The following DIP2B variants were observed in gnomAD, a reference collection of about 807,000 sequenced individuals.
The protein encoded by DIP2B is disco-interacting protein 2 homolog B.
A neutral mutation model predicts 198.0 loss-of-function variants in DIP2B; 76 were observed. That is an observed-to-expected ratio of 0.38 (90% CI 0.32 to 0.46). The LOEUF (loss-of-function observed/expected upper bound fraction) is 0.46, where lower values mean the gene tolerates loss of function less well. Among genes scored for constraint, DIP2B ranks in the 20% least tolerant of loss-of-function variants. The pLI is 0.99. For missense variants in DIP2B, 1,559 were observed against 1,978.4 expected (o/e 0.79, Z 4.02); for synonymous variants, 701 against 739.1 (o/e 0.95, Z 0.84).
intron 1 of DIP2B, among the ~76,000 whole-genome samples, chr12:50,610,830 G>T (rs1463012568): frequency 2.1e-5 from 3 of 146,280 alleles, no homozygotes; most frequent in Non-Finnish European, 4.5e-5. Flanking sequence ...TGAGATGGAG[G>T]CTCGCTCTGT....
chr12:50,536,361 C>T (rs1042817118), intron 1 of DIP2B, among the ~76,000 whole-genome samples: 4 of 152,044 alleles, frequency 2.6e-5, no homozygotes, highest in African/African-American at 9.7e-5. Context: ...AGGAGGATTG[C>T]TTGAGCCCAG....
At chr12:50,663,710 A>C (rs963679403) in intron 4 of DIP2B, among the ~76,000 whole-genome samples, 1 of 151,490 alleles carries the variant, frequency 6.6e-6, no homozygotes, top group African/African-American at 2.4e-5. Context: ...TCTCTACAAA[A>C]AATTAAAAAG....
Position 50,580,491 on chromosome 12 carries a change from T to TA in DIP2B, c.101-45484dup, listed in dbSNP as rs1221477733. 4.0e-5 allele frequency among the ~76,000 whole-genome samples: 6 copies of TA among 148,222 alleles called. No homozygotes were observed. The Admixed American group carries it at 4.2e-4, about 10-fold the overall frequency. On this transcript the variant is annotated intron_variant, in intron 1 of 37. Coordinates refer to ENST00000301180, the MANE Select transcript of DIP2B (RefSeq NM_173602.3). Reference sequence around the variant, plus strand: ...TCTTTATATTTTGCAGAAATTTTATTATCTATATTTTTACTCCAGTCTACT... The same window carrying TA: ...TCTTTATATTTTGCAGAAATTTTATTAATCTATATTTTTACTCCAGTCTACT...
In DIP2B at chr12:50,627,946, C is replaced by A. The variant is rs533249495; in HGVS notation, c.172+1899C>A. ...TCCTGGCCAAGGACAGTCCTTCTAC[C>A]TATGCTTTAGATCCCAACCCCTCCT... is the stretch of plus-strand genomic sequence containing the variant. On this transcript the variant is annotated intron_variant, in intron 2 of 37. Coordinates refer to ENST00000301180, the MANE Select transcript of DIP2B (RefSeq NM_173602.3). 9.8e-5 allele frequency among the ~76,000 whole-genome samples: 15 copies of A among 152,308 alleles called. No individual in the cohort carries two copies. In the South Asian group the frequency reaches 3.1e-3, roughly 32 times the overall value.
intron 1 of DIP2B, among the ~76,000 whole-genome samples, chr12:50,555,995 C>G (rs1958467241): frequency 6.6e-6 from 1 of 152,044 alleles, no homozygotes; most frequent in African/African-American, 2.4e-5. Flanking sequence ...GTTGATTTAG[C>G]ATGTCCTGCT....
chr12:50,561,300 T>C (rs1458148222), intron 1 of DIP2B, among the ~76,000 whole-genome samples: 3 of 152,262 alleles, frequency 2.0e-5, no homozygotes, highest in Non-Finnish European at 4.4e-5. Flanking sequence ...TACTATGTAG[T>C]CTACATTTGT....
chr12:50,744,911 G>C lies in DIP2B; in HGVS notation c.*72G>C. 1 of 1,546,150 alleles carries C rather than the reference G, an allele frequency of 6.5e-7. No homozygotes were observed. On this transcript the variant is annotated 3_prime_UTR_variant, in exon 38 of 38. Coordinates refer to ENST00000301180, the MANE Select transcript of DIP2B (RefSeq NM_173602.3). ...ACAGAAGACCTCTGGCTAAGAGCAG[G>C]CTTCAAACGATGTGAAATAAGCTGA... is the stretch of plus-strand genomic sequence containing the variant.
rs760227460 is a variant in DIP2B at position 50,579,107 on chromosome 12, ATTGT to A, written c.101-46865_101-46862del. ...TGTGTCAAGGAAAAACATTTGTACA[ATTGT>A]TTGAGAGTTGTGAGCTGACTTTTTA... On this transcript the variant is annotated intron_variant, in intron 1 of 37. Coordinates refer to ENST00000301180, the MANE Select transcript of DIP2B (RefSeq NM_173602.3). Among the ~76,000 whole-genome samples, 132 of 152,294 alleles carry A rather than the reference ATTGT, an allele frequency of 8.7e-4. No homozygotes were observed. In the Middle Eastern group the frequency reaches 0.01, roughly 12 times the overall value.
chr12:50,559,516 G>A (rs746256782), intron 1 of DIP2B, among the ~76,000 whole-genome samples: 1 of 152,018 alleles, frequency 6.6e-6, no homozygotes, highest in Non-Finnish European at 1.5e-5. Context: ...TAATGTGGGA[G>A]GATTGCTTGA....
At chr12:50,623,473 T>C (rs1231406748) in intron 1 of DIP2B, among the ~76,000 whole-genome samples, 2 of 109,798 alleles carry the variant, frequency 1.8e-5, no homozygotes, top group Admixed American at 9.6e-5. Context: ...TCTCTCTCAC[T>C]CACCCAAGTA....
chr12:50,714,118 A>G (rs1939668618), intron 22 of DIP2B, among the ~76,000 whole-genome samples: 1 of 152,210 alleles, frequency 6.6e-6, no homozygotes, highest in African/African-American at 2.4e-5. Flanking sequence ...AAACTTAAAA[A>G]GAGAACATAC....
intron 1 of DIP2B, among the ~76,000 whole-genome samples, chr12:50,523,277 A>G (rs148311474): frequency 7.7e-4 from 118 of 152,352 alleles, no homozygotes; most frequent in Non-Finnish European, 1.5e-3. Flanking sequence ...ATACTTGTAT[A>G]GTACCTAATA....
chr12:50,735,662 A>C (rs1360311878), intron 34 of DIP2B, among the ~76,000 whole-genome samples: 1 of 151,964 alleles, frequency 6.6e-6, no homozygotes, highest in Non-Finnish European at 1.5e-5. Flanking sequence ...ATGGGGTTTC[A>C]CCATGTTGGC....
At chr12:50,576,774 C>T (rs896939738) in intron 1 of DIP2B, among the ~76,000 whole-genome samples, 6 of 152,140 alleles carry the variant, frequency 3.9e-5, no homozygotes, top group African/African-American at 1.4e-4. Context: ...AGCTACCGCG[C>T]CCAGCCGGTC....
Position 50,695,666 on chromosome 12 carries a change from C to T in DIP2B, c.1814-182C>T, listed in dbSNP as rs1939298160. On this transcript the variant is annotated intron_variant, in intron 15 of 37. Coordinates refer to ENST00000301180, the MANE Select transcript of DIP2B (RefSeq NM_173602.3). ...GTGAACAAACAATTGTAGGTCCAGTCAGTTGTCTAAATGTGATAATTTCTG... is the reference window on the plus strand; with the variant it reads ...GTGAACAAACAATTGTAGGTCCAGTTAGTTGTCTAAATGTGATAATTTCTG... Among the ~76,000 whole-genome samples, 2 of 152,168 alleles carry T rather than the reference C, an allele frequency of 1.3e-5. 1 individual carries two copies. Among genetic ancestry groups the T allele is most frequent in the South Asian group, 4.1e-4 (2 of 4,830 alleles).
At chr12:50,538,282 A>G (rs1958288032) in intron 1 of DIP2B, among the ~76,000 whole-genome samples, 1 of 152,150 alleles carries the variant, frequency 6.6e-6, no homozygotes, top group East Asian at 1.9e-4. Context: ...GATAAAGGGA[A>G]AAGGTTCAGA....
At position 50,526,626 on chromosome 12, in the gene DIP2B, C is replaced by CTTTTTTTTTT. The variant is rs11423846; in HGVS notation, c.100+21404_100+21413dup. On this transcript the variant is annotated intron_variant, in intron 1 of 37. Coordinates refer to ENST00000301180, the MANE Select transcript of DIP2B (RefSeq NM_173602.3). ...TGCATTGATTCTCTTTTTCCTCTGC[C>CTTTTTTTTTT]TTTTTTTTTTTTTTTTTTTTTTTTT... Among the ~76,000 whole-genome samples, 14 of 64,194 alleles carry CTTTTTTTTTT rather than the reference C, an allele frequency of 2.2e-4. 1 individual carries two copies. The highest frequency in any genetic ancestry group is 7.7e-4 in the African/African-American group (11 of 14,202). The allele number at this position is 64,194 out of a possible 152,430, so 42.1% of individuals were successfully genotyped here.
At chr12:50,727,887 A>C in intron 29 of DIP2B, 75 bp downstream of exon 29, 1 of 1,296,330 alleles carries the variant, frequency 7.7e-7, no homozygotes, top group Non-Finnish European at 1.1e-6. Context: ...CTATAGATGC[A>C]GAGGCCAAGT....
At chr12:50,542,261 A>G (rs538364686) in intron 1 of DIP2B, among the ~76,000 whole-genome samples, 1 of 151,456 alleles carries the variant, frequency 6.6e-6, no homozygotes, top group South Asian at 2.1e-4. Flanking sequence ...AAAAAAAAAA[A>G]AAAAGAAAAA....
Sources: gnomAD v4.1 joint callset for allele counts (sites outside exome capture counted in the v4.1 genomes callset) on GRCh38, gnomAD v4.1.1 for gene constraint, MANE v1.5 for transcripts, NCBI Gene and HGNC (gene_info 2026-07-23, HGNC 2026-07-21) for gene names.